Variants in PLD5 observed in about 807,000 individuals in gnomAD.
PLD5 encodes phospholipase D family member 5.
In PLD5, 36 loss-of-function variants were observed where a neutral mutation model predicts 61.1. The observed-to-expected ratio is 0.59, with a 90% CI of 0.45 to 0.78. The LOEUF (loss-of-function observed/expected upper bound fraction) is 0.78. Ranked by LOEUF, PLD5 falls within the 30% of genes least tolerant of loss-of-function variation. The probability of loss-of-function intolerance (pLI) is 0.00; values close to 1 mark genes in which losing one functional copy is unlikely to be tolerated. For missense variants in PLD5, 515 were observed against 644.4 expected (o/e 0.80, Z 2.17); for synonymous variants, 243 against 242.8 (o/e 1.00, Z -0.01).
chr1:242,255,639 T>C (rs1574619837), intron 4 of PLD5, among the ~76,000 whole-genome samples: 3 of 152,234 alleles, frequency 2.0e-5, no homozygotes, highest in Admixed American at 6.5e-5. Context: ...TTTAGGAATA[T>C]ATTTTCCCTT....
chr1:242,409,718 T>C (rs1323500325), intron 1 of PLD5, among the ~76,000 whole-genome samples: 1 of 152,216 alleles, frequency 6.6e-6, no homozygotes, highest in Non-Finnish European at 1.5e-5. Context: ...GGGATTGGTT[T>C]GACCAGGCAT....
At chr1:242,285,255 A>C (rs1485231460) in intron 3 of PLD5, among the ~76,000 whole-genome samples, 3 of 152,180 alleles carry the variant, frequency 2.0e-5, no homozygotes, top group African/African-American at 7.2e-5. Flanking sequence ...ACCTAAAGTC[A>C]TATGGGAGAC....
intron 1 of PLD5, among the ~76,000 whole-genome samples, chr1:242,455,571 T>C (rs576270846): frequency 3.1e-4 from 47 of 152,344 alleles, no homozygotes; most frequent in Admixed American, 5.2e-4. Flanking sequence ...CAGTTCTAAT[T>C]TGCCTCTGAA....
chr1:242,149,287 A>T (rs1278774858), intron 5 of PLD5, among the ~76,000 whole-genome samples: 1 of 151,914 alleles, frequency 6.6e-6, no homozygotes, highest in Non-Finnish European at 1.5e-5. Context: ...CTTTTGATAC[A>T]GTATTTTACA....
At chr1:242,205,865 T>C (rs1188468901) in intron 5 of PLD5, among the ~76,000 whole-genome samples, 1 of 152,194 alleles carries the variant, frequency 6.6e-6, no homozygotes, top group Admixed American at 6.5e-5. Flanking sequence ...AGTCCTTTGT[T>C]CTTTTAATTG....
intron 3 of PLD5, among the ~76,000 whole-genome samples, chr1:242,267,622 G>A: frequency 6.6e-6 from 1 of 151,798 alleles, no homozygotes; most frequent in East Asian, 1.9e-4. Flanking sequence ...GCTTATCCTT[G>A]TAATCCCAGT....
chr1:242,442,675 A>G (rs1043052294), intron 1 of PLD5, among the ~76,000 whole-genome samples: 4 of 152,202 alleles, frequency 2.6e-5, no homozygotes, highest in Non-Finnish European at 5.9e-5. Flanking sequence ...ATGTTATCTT[A>G]AAGTTTTTTA....
intron 8 of PLD5, among the ~76,000 whole-genome samples, chr1:242,106,724 AC>A (rs1661085188): frequency 6.6e-6 from 1 of 152,118 alleles, no homozygotes; most frequent in Non-Finnish European, 1.5e-5. Flanking sequence ...AGCCCTTGAT[AC>A]CCTGGGTCCC....
intron 1 of PLD5, among the ~76,000 whole-genome samples, chr1:242,399,831 C>T (rs375170144): frequency 1.3e-5 from 2 of 152,152 alleles, no homozygotes; most frequent in Admixed American, 6.5e-5. Context: ...AGCGCAAACC[C>T]TACTGTGAAC....
intron 5 of PLD5, among the ~76,000 whole-genome samples, chr1:242,149,148 G>A (rs1019988026): frequency 5.3e-5 from 8 of 151,614 alleles, no homozygotes; most frequent in Admixed American, 1.3e-4. Flanking sequence ...TTACGCAGAC[G>A]CTCTTTATCA....
Position 242,416,709 on chromosome 1 carries a change from C to A in PLD5, c.190-68467G>T, listed in dbSNP as rs375825835. Among the ~76,000 whole-genome samples, 30 of 152,240 alleles carry A rather than the reference C, an allele frequency of 2.0e-4. 1 individual carries two copies. The highest frequency in any genetic ancestry group is 6.7e-4 in the African/African-American group (28 of 41,554). ...CAGCTAAATTAAACTCATTAAAAAC[C>A]AAAACAAATAAAATCTTGTTTCTTT... On this transcript the variant is annotated intron_variant, in intron 1 of 9. Coordinates refer to ENST00000536534, the MANE Select transcript of PLD5 (RefSeq NM_001372062.1).
At chr1:242,339,670 G>A (rs1659724410) in intron 2 of PLD5, among the ~76,000 whole-genome samples, 1 of 152,122 alleles carries the variant, frequency 6.6e-6, no homozygotes, top group South Asian at 2.1e-4. Flanking sequence ...TATTTCCACT[G>A]GATTCAGTGT....
rs1157429663 is a variant in PLD5 at position 242,085,378 on chromosome 1, T to C, written c.*4476A>G. 2 of 152,092 alleles carry C rather than the reference T, an allele frequency of 1.3e-5. No individual in the cohort carries two copies. Among genetic ancestry groups the C allele is most frequent in the South Asian group, 2.1e-4 (1 of 4,830 alleles). The allele number at this position is 152,092 out of a possible 1,614,324, so 9.4% of individuals were successfully genotyped here. On this transcript the variant is annotated 3_prime_UTR_variant, in exon 10 of 10. Coordinates refer to ENST00000536534, the MANE Select transcript of PLD5 (RefSeq NM_001372062.1). ...AAACTTCTGAGGAATACCCATTGAGTCACTGTATAAAGCAGCATCTTCATA... is the reference window on the plus strand; with the variant it reads ...AAACTTCTGAGGAATACCCATTGAGCCACTGTATAAAGCAGCATCTTCATA...
upstream of PLD5, among the ~76,000 whole-genome samples, chr1:242,525,166 C>A (rs756439316): frequency 7.2e-5 from 11 of 152,182 alleles, no homozygotes; most frequent in Non-Finnish European, 1.2e-4. Flanking sequence ...CTGAAAATAG[C>A]CGAGAGACAT....
chr1:242,144,139 G>A (rs1286084932), intron 5 of PLD5, among the ~76,000 whole-genome samples: 1 of 151,950 alleles, frequency 6.6e-6, no homozygotes, highest in Admixed American at 6.6e-5. Flanking sequence ...AAAATGTTGG[G>A]ATTACAGGTA....
chr1:242,194,603 T>TATCTATCTATCTATCTATCTA lies in PLD5; in HGVS notation c.735+25384_735+25385insTAGATAGATAGATAGATAGAT, dbSNP rs1193250766. ...CTATCTATCTATCTATCTATCTATC[T>TATCTATCTATCTATCTATCTA]ATGTATCTATCTATGTATCTATCTA... On this transcript the variant is annotated intron_variant, in intron 5 of 9. Transcript: ENST00000536534. Among the ~76,000 whole-genome samples the TATCTATCTATCTATCTATCTA allele has an allele frequency of 2.5e-3, 185 of 74,368 alleles. 1 individual carries two copies. The highest frequency in any genetic ancestry group is 9.8e-3 in the African/African-American group (158 of 16,120). 48.8% of individuals were successfully genotyped at this position (74,368 alleles called of 152,430 possible). A position where few individuals can be genotyped will look rare whatever the true frequency, so the allele number is the denominator to read the frequency against.
At chr1:242,439,552 CATAA>C (rs1399614922) in intron 1 of PLD5, among the ~76,000 whole-genome samples, 1 of 152,118 alleles carries the variant, frequency 6.6e-6, no homozygotes, top group African/African-American at 2.4e-5. Flanking sequence ...GCTAGCGGTC[CATAA>C]ATATCTACTG....
chr1:242,091,950 C>T (rs143137847), intron 9 of PLD5, among the ~76,000 whole-genome samples: 56 of 151,796 alleles, frequency 3.7e-4, no homozygotes, highest in African/African-American at 1.3e-3. Flanking sequence ...CTTCAGCCTC[C>T]TGAGTAACTG....
chr1:242,349,353 A>G (rs1313930074), intron 1 of PLD5, among the ~76,000 whole-genome samples: 1 of 152,186 alleles, frequency 6.6e-6, no homozygotes, highest in East Asian at 1.9e-4. Flanking sequence ...AGCAATTCCA[A>G]AAGGGAGGAG....
Sources: gnomAD v4.1 joint callset for allele counts (sites outside exome capture counted in the v4.1 genomes callset) on GRCh38, gnomAD v4.1.1 for gene constraint, MANE v1.5 for transcripts, NCBI Gene and HGNC (gene_info 2026-07-23, HGNC 2026-07-21) for gene names.